TFAP2A: variants seen among roughly 807,000 people sequenced by gnomAD.
TFAP2A encodes transcription factor AP-2-alpha.
A neutral mutation model predicts 41.5 loss-of-function variants in TFAP2A; 7 were observed. That is an observed-to-expected ratio of 0.17 (90% CI 0.10 to 0.32). TFAP2A has a LOEUF of 0.32. TFAP2A is among the 10% of genes least tolerant of loss of function. The probability of loss-of-function intolerance (pLI) is 1.00; values close to 1 mark genes in which losing one functional copy is unlikely to be tolerated. For missense variants in TFAP2A, 416 were observed against 563.3 expected (o/e 0.74, Z 2.65); for synonymous variants, 247 against 242.8 (o/e 1.02, Z -0.16).
intron 4 of TFAP2A, among the ~76,000 whole-genome samples, chr6:10,404,282 G>A (rs1385721292): frequency 6.6e-6 from 1 of 152,220 alleles, no homozygotes; most frequent in Non-Finnish European, 1.5e-5. Context: ...ACCAGAACTC[G>A]CTCGCGGGAA....
chr6:10,412,158 T>C (rs1757999364), intron 1 of TFAP2A: 1 of 989,198 alleles, frequency 1.0e-6, no homozygotes. Flanking sequence ...AGTCTCAGTG[T>C]AGCAAATCGG....
At chr6:10,411,128 T>A (rs1004515474) in intron 1 of TFAP2A, 1 of 153,760 alleles carries the variant, frequency 6.5e-6, no homozygotes, top group Non-Finnish European at 1.4e-5. Context: ...GCAATTCCCT[T>A]GCAAAACAAG....
chr6:10,404,980 T>G, intron 3 of TFAP2A: 1 of 588,952 alleles, frequency 1.7e-6, no homozygotes, highest in South Asian at 2.0e-5. Context: ...CTGGCCTGCG[T>G]TTCTGCCTTG....
intron 6 of TFAP2A, among the ~76,000 whole-genome samples, chr6:10,400,215 A>T (rs953993466): frequency 2.5e-5 from 3 of 121,756 alleles, no homozygotes; most frequent in Non-Finnish European, 3.5e-5. Context: ...CACACTCATT[A>T]AAAAAAAAAA....
At chr6:10,401,618 C>G (rs762622695) in intron 5 of TFAP2A, among the ~76,000 whole-genome samples, 1 of 152,196 alleles carries the variant, frequency 6.6e-6, no homozygotes, top group Non-Finnish European at 1.5e-5. Context: ...AAAATGACTT[C>G]TTTAAATATA....
intron 1 of TFAP2A, chr6:10,411,796 C>T (rs1186592020): frequency 2.4e-5 from 35 of 1,443,774 alleles, no homozygotes; most frequent in Admixed American, 2.9e-5. Flanking sequence ...CACCGATTCG[C>T]GCGGCGCCTT....
chr6:10,415,047 T>G lies in TFAP2A; in HGVS notation c.-56A>C. 1 of 1,613,682 alleles carries G rather than the reference T, an allele frequency of 6.2e-7. No individual in the cohort carries two copies. Among genetic ancestry groups the G allele is most frequent in the Non-Finnish European group, 8.5e-7 (1 of 1,179,960 alleles). On this transcript the variant is annotated 5_prime_UTR_variant, in exon 1 of 7. Coordinates refer to ENST00000379613, the MANE Select transcript of TFAP2A (RefSeq NM_001372066.1). The stretch of plus-strand genomic sequence containing the variant: ...GTCTCGCACCCAAGTGGAGCTACTC[T>G]CTGGGTGAGCGCAAAGTGCTGGCTG...
Position 10,397,945 on chromosome 6 carries a change from C to G in TFAP2A, c.*472G>C. On this transcript the variant is annotated 3_prime_UTR_variant, in exon 7 of 7. Transcript: ENST00000379613. ...TTTTTTTTTTAAGTATGGCTACAAT[C>G]TGAACTGAAGTATGTAAGGGAAGGT... is the stretch of plus-strand genomic sequence containing the variant. The G allele has an allele frequency of 1.0e-6, 1 of 983,660 alleles. No homozygotes were observed. Among genetic ancestry groups the G allele is most frequent in the Non-Finnish European group, 1.2e-6 (1 of 829,740 alleles). The allele number at this position is 983,660 out of a possible 1,614,324, so 60.9% of individuals were successfully genotyped here. A position where few individuals can be genotyped will look rare whatever the true frequency, so the allele number is the denominator to read the frequency against.
chr6:10,400,936 A>C, intron 5 of TFAP2A: 1 of 452,848 alleles, frequency 2.2e-6, no homozygotes, highest in Non-Finnish European at 4.2e-6. Flanking sequence ...TTCATAAATG[A>C]TATTCATAAT....
chr6:10,406,870 G>GT, intron 2 of TFAP2A, 26 bp from the exon 3 acceptor site: 1 of 1,572,276 alleles, frequency 6.4e-7, no homozygotes, highest in Non-Finnish European at 8.8e-7. Flanking sequence ...ACACATGGAT[G>GT]TAAGTGTATC....
intron 5 of TFAP2A, 190 bp from the exon 6 acceptor site, chr6:10,400,779 A>G (rs1394808022): frequency 2.7e-6 from 2 of 750,096 alleles, no homozygotes; most frequent in Non-Finnish European, 4.6e-6. Context: ...ATCAGGAAAA[A>G]TGACCACTTC....
At chr6:10,408,952 T>C (rs867814998) in intron 2 of TFAP2A, 1 of 152,202 alleles carries the variant, frequency 6.6e-6, no homozygotes, top group Admixed American at 6.5e-5. Context: ...ACATTTCCTC[T>C]CCAAAGAAAA....
chr6:10,419,104 G>A (rs1366637677), upstream of TFAP2A, among the ~76,000 whole-genome samples: 2 of 152,114 alleles, frequency 1.3e-5, no homozygotes, highest in African/African-American at 4.8e-5. Context: ...CTTGAGGTGG[G>A]AGGGGGGTGG....
chr6:10,406,813 T>G lies in TFAP2A; in HGVS notation c.518A>C (p.Asp173Ala). Reference protein sequence around the residue: ...HVEDPGINIPDQTVIKKGPVS... With the variant: ...HVEDPGINIPAQTVIKKGPVS... ...CTTACCTTTCTTAATTACAGTTTGATCTGGGATGTTAATACCCGGGTCTTC... is the reference window on the plus strand; with the variant it reads ...CTTACCTTTCTTAATTACAGTTTGAGCTGGGATGTTAATACCCGGGTCTTC... Residue 173 changes from aspartate to alanine, a missense_variant, in exon 3 of 7, where the codon GAT becomes GCT. By Grantham distance (126) the Asp-to-Ala change is moderately radical. Transcript: ENST00000379613. 1 of 1,613,756 alleles carries G rather than the reference T, an allele frequency of 6.2e-7. No homozygotes were observed.
At chr6:10,407,156 A>T in intron 2 of TFAP2A, 2 of 391,516 alleles carry the variant, frequency 5.1e-6, no homozygotes, top group South Asian at 5.3e-5. Context: ...ATTCTCAGTC[A>T]GTTCAACATT....
chr6:10,414,772 TGC>T (rs1758172158), intron 1 of TFAP2A, 167 bp downstream of exon 1: 1 of 898,338 alleles, frequency 1.1e-6, no homozygotes, highest in African/African-American at 1.6e-5. Context: ...GTCCTCTCTC[TGC>T]AGCTTCTCCC....
At chr6:10,412,361 T>A (rs1467791224) in intron 1 of TFAP2A, 23 of 896,540 alleles carry the variant, frequency 2.6e-5, no homozygotes, top group Non-Finnish European at 3.1e-5. Context: ...AGGGAGAATG[T>A]GTCTGCGTGC....
chr6:10,415,005 C>A lies in TFAP2A; in HGVS notation c.-14G>T, dbSNP rs76066093. On this transcript the variant is annotated 5_prime_UTR_variant, in exon 1 of 7. Transcript: ENST00000379613. ...AAGCATTTTCATGGATCGGCGTGAA[C>A]GGATATGCCCCTCTCGGTCTCGCAC... 3 of 1,613,974 alleles carry A rather than the reference C, an allele frequency of 1.9e-6. No homozygotes were observed. In the African/African-American group the frequency reaches 4.0e-5, roughly 22 times the overall value.
chr6:10,419,384 C>T (rs1324801088), upstream of TFAP2A: 1 of 1,612,070 alleles, frequency 6.2e-7, no homozygotes, highest in Non-Finnish European at 8.5e-7. Context: ...CACCCCTGCC[C>T]ACCTCAACCC....
Sources: gnomAD v4.1 joint callset for allele counts (sites outside exome capture counted in the v4.1 genomes callset) on GRCh38, gnomAD v4.1.1 for gene constraint, MANE v1.5 for transcripts, NCBI Gene and HGNC (gene_info 2026-07-23, HGNC 2026-07-21) for gene names.